The following PCDHA10 variants were observed in gnomAD, a reference collection of about 807,000 sequenced individuals.
PCDHA10 encodes the protein protocadherin alpha 10.
PCDHA10 carries 45 observed loss-of-function variants against 61.2 expected under a neutral mutation model. The ratio of observed to expected loss-of-function variants is 0.74; its 90% CI spans 0.58 to 0.94. PCDHA10 has a LOEUF of 0.94. Ranked by LOEUF, PCDHA10 falls within the 40% of genes least tolerant of loss-of-function variation. PCDHA10 has a pLI of 0.00. For synonymous variants in PCDHA10, 602 were observed against 548.8 expected, an observed-to-expected ratio of 1.10 and a Z score of -1.35; for missense variants, 1,278 against 1,236.2, an observed-to-expected ratio of 1.03 and a Z score of -0.51.
chr5:140,871,026 G>C (rs1562655563), intron 1 of PCDHA10: 2 of 1,613,220 alleles, frequency 1.2e-6, no homozygotes, highest in Non-Finnish European at 8.5e-7. Flanking sequence ...AGGCAGACTC[G>C]CCGCGCCACC....
intron 1 of PCDHA10, among the ~76,000 whole-genome samples, chr5:140,941,202 C>CCTTTCTTCCTTCCTTTCTTT (rs1394736170): frequency 8.1e-5 from 10 of 122,740 alleles, no homozygotes; most frequent in African/African-American, 2.1e-4. Context: ...TTTCTTTCTT[C>CCTTTCTTCCTTCCTTTCTTT]CTTTCTTTCT....
chr5:140,886,972 A>G (rs2061245917), intron 1 of PCDHA10, among the ~76,000 whole-genome samples: 1 of 152,122 alleles, frequency 6.6e-6, no homozygotes, highest in South Asian at 2.1e-4. Context: ...GAAATTTATT[A>G]TTTTGTAAAT....
chr5:140,976,887 C>T (rs933700917), intron 1 of PCDHA10, among the ~76,000 whole-genome samples: 2 of 152,150 alleles, frequency 1.3e-5, no homozygotes, highest in Non-Finnish European at 2.9e-5. Flanking sequence ...AATTAGGATA[C>T]ATGCAACAGT....
chr5:140,862,315 C>T, intron 1 of PCDHA10: 1 of 317,364 alleles, frequency 3.2e-6, no homozygotes, highest in Non-Finnish European at 6.2e-6. Context: ...CCGTCATAGC[C>T]CTAATCAGTG....
At chr5:140,880,791 A>G (rs950375774) in intron 1 of PCDHA10, among the ~76,000 whole-genome samples, 4 of 152,242 alleles carry the variant, frequency 2.6e-5, no homozygotes, top group Non-Finnish European at 4.4e-5. Context: ...GAGGAGTAAT[A>G]TAAATAGGTG....
chr5:140,858,229 G>A lies in PCDHA10; in HGVS notation c.2181G>A (p.Glu727=), dbSNP rs1335853818. 6.3e-7 allele frequency: 1 copy of A among 1,596,360 alleles called. No homozygotes were observed. ...TALRCSAAPT[E]GACGPVKPTL... ...TGAGGTGCTCGGCGGCGCCCACCGA[G>A]GGCGCATGTGGGCCGGTGAAGCCCA... Residue 727 remains glutamate, a synonymous_variant, in exon 1 of 4, where the codon GAG becomes GAA. Coordinates refer to ENST00000307360, the MANE Select transcript of PCDHA10 (RefSeq NM_018901.4).
At chr5:140,978,904 A>G (rs2096828000) in intron 1 of PCDHA10, 45 bp from the exon 2 acceptor site, 2 of 1,613,322 alleles carry the variant, frequency 1.2e-6, no homozygotes, top group Non-Finnish European at 8.5e-7. Flanking sequence ...CTGGGAGAAC[A>G]TTGTCTTGTC....
intron 1 of PCDHA10, chr5:140,870,140 C>G: frequency 6.2e-7 from 1 of 1,614,040 alleles, no homozygotes; most frequent in Non-Finnish European, 8.5e-7. Flanking sequence ...AACGATAACT[C>G]TCCTGAAGTC....
intron 1 of PCDHA10, chr5:140,876,602 G>A (rs572945874): frequency 6.2e-7 from 1 of 1,614,180 alleles, no homozygotes; most frequent in Non-Finnish European, 8.5e-7. Flanking sequence ...GTGTCGGATC[G>A]TGACTCTGGA....
At chr5:140,985,103 A>C (rs1342526252) in intron 3 of PCDHA10, among the ~76,000 whole-genome samples, 1 of 151,694 alleles carries the variant, frequency 6.6e-6, no homozygotes, top group Admixed American at 6.6e-5. Context: ...AAGCCTGGCT[A>C]ATTTTTTGTG....
At chr5:140,942,681 A>G (rs1554215168) in intron 1 of PCDHA10, among the ~76,000 whole-genome samples, 1 of 152,206 alleles carries the variant, frequency 6.6e-6, no homozygotes, top group African/African-American at 2.4e-5. Flanking sequence ...AGTTTTAGGA[A>G]TAACTTTAAT....
chr5:140,877,609 C>T (rs1554169925), intron 1 of PCDHA10: 4 of 1,613,876 alleles, frequency 2.5e-6, no homozygotes, highest in Middle Eastern at 1.7e-4. Flanking sequence ...CCTGCTGGTG[C>T]TCACGCTGCT....
intron 1 of PCDHA10, chr5:140,869,327 T>C: frequency 6.2e-7 from 1 of 1,613,922 alleles, no homozygotes; most frequent in Non-Finnish European, 8.5e-7. Context: ...GGGGACCTTC[T>C]GGAGGTAAAT....
chr5:140,891,912 T>C (rs2063306720), intron 1 of PCDHA10, among the ~76,000 whole-genome samples: 1 of 152,244 alleles, frequency 6.6e-6, no homozygotes, highest in Admixed American at 6.5e-5. Context: ...CTTCACCAGA[T>C]GCTGGTGCCT....
intron 1 of PCDHA10, chr5:140,875,825 A>G: frequency 6.2e-7 from 1 of 1,614,174 alleles, no homozygotes; most frequent in East Asian, 2.2e-5. Flanking sequence ...CAGGTTTTCC[A>G]TGTGGACGTG....
intron 1 of PCDHA10, among the ~76,000 whole-genome samples, chr5:140,885,309 T>C (rs1456816250): frequency 6.6e-6 from 1 of 152,194 alleles, no homozygotes; most frequent in Non-Finnish European, 1.5e-5. Context: ...GTAGGCTTTT[T>C]GTTATTATTT....
intron 3 of PCDHA10, among the ~76,000 whole-genome samples, chr5:141,003,377 T>C (rs2098121331): frequency 6.6e-6 from 1 of 152,180 alleles, no homozygotes; most frequent in African/African-American, 2.4e-5. Context: ...AGTGGTGCAA[T>C]CTCAGCTCAC....
At chr5:140,927,193 C>G in intron 1 of PCDHA10, 1 of 1,614,186 alleles carries the variant, frequency 6.2e-7, no homozygotes, top group South Asian at 1.1e-5. Context: ...CGACCTGGTG[C>G]TCGAGGACCC....
At chr5:140,980,347 C>G (rs1329268780) in intron 2 of PCDHA10, among the ~76,000 whole-genome samples, 2 of 152,132 alleles carry the variant, frequency 1.3e-5, no homozygotes, top group African/African-American at 4.8e-5. Context: ...ACATAACTTC[C>G]TGGACTGGGC....
Sources: gnomAD v4.1 joint callset for allele counts (sites outside exome capture counted in the v4.1 genomes callset) on GRCh38, gnomAD v4.1.1 for gene constraint, MANE v1.5 for transcripts, NCBI Gene and HGNC (gene_info 2026-07-23, HGNC 2026-07-21) for gene names.